The following PTPRD variants were observed in gnomAD, a reference collection of about 807,000 sequenced individuals.
The protein encoded by PTPRD is receptor-type tyrosine-protein phosphatase delta.
PTPRD carries 34 observed loss-of-function variants against 214.5 expected under a neutral mutation model. The ratio of observed to expected loss-of-function variants is 0.16; its 90% CI spans 0.12 to 0.21. The LOEUF (loss-of-function observed/expected upper bound fraction) is 0.21, where lower values mean the gene tolerates loss of function less well. Ranked by LOEUF, PTPRD falls within the 10% of genes least tolerant of loss-of-function variation. The pLI is 1.00. For synonymous variants in PTPRD, 1,128 were observed against 845.7 expected, an observed-to-expected ratio of 1.33 and a Z score of -5.79; for missense variants, 2,545 against 2,398.7, an observed-to-expected ratio of 1.06 and a Z score of -1.27.
intron 9 of PTPRD, among the ~76,000 whole-genome samples, chr9:9,388,096 T>C (rs1459993317): frequency 6.6e-6 from 1 of 152,108 alleles, no homozygotes; most frequent in Non-Finnish European, 1.5e-5. Flanking sequence ...TGAGTAGAAG[T>C]AGCTCTCAGC....
intron 7 of PTPRD, among the ~76,000 whole-genome samples, chr9:9,609,535 T>C (rs1027197154): frequency 6.6e-6 from 1 of 152,194 alleles, no homozygotes; most frequent in Non-Finnish European, 1.5e-5. Flanking sequence ...CAATCTTGGT[T>C]CACTGCAACC....
At chr9:8,338,221 A>C (rs1279011422) in intron 43 of PTPRD, among the ~76,000 whole-genome samples, 1 of 152,110 alleles carries the variant, frequency 6.6e-6, no homozygotes, top group Non-Finnish European at 1.5e-5. Context: ...GGTCTCCCTT[A>C]AGATGTGTTT....
chr9:9,516,871 A>C (rs917800638), intron 8 of PTPRD, among the ~76,000 whole-genome samples: 12 of 152,040 alleles, frequency 7.9e-5, no homozygotes, highest in Non-Finnish European at 1.8e-4. Context: ...ACTTCAGTCC[A>C]TTTTATCTAC....
chr9:9,296,649 C>T (rs937678257), intron 9 of PTPRD, among the ~76,000 whole-genome samples: 2 of 151,466 alleles, frequency 1.3e-5, no homozygotes, highest in Admixed American at 6.6e-5. Context: ...GGATTTATGC[C>T]TATGTCAGTT....
intron 34 of PTPRD, among the ~76,000 whole-genome samples, chr9:8,439,586 T>C (rs915752854): frequency 2.0e-5 from 3 of 152,174 alleles, no homozygotes; most frequent in African/African-American, 7.2e-5. Context: ...ATATCATATA[T>C]CAGAAAAGAC....
At chr9:9,275,174 A>ATATGTTATATATATATATAT (rs1491381199) in intron 9 of PTPRD, among the ~76,000 whole-genome samples, 21 of 28,950 alleles carry the variant, frequency 7.3e-4, no homozygotes, top group African/African-American at 3.5e-3. Flanking sequence ...ACATATATAT[A>ATATGTTATATATATATATAT]ATATATATGT....
intron 2 of PTPRD, among the ~76,000 whole-genome samples, chr9:10,363,572 A>G (rs953263666): frequency 6.6e-6 from 1 of 152,200 alleles, no homozygotes; most frequent in Non-Finnish European, 1.5e-5. Context: ...TGTTTTCTCT[A>G]TGACCTTTTC....
chr9:8,398,360 G>C (rs995563856), intron 36 of PTPRD, among the ~76,000 whole-genome samples: 1 of 152,008 alleles, frequency 6.6e-6, no homozygotes, highest in African/African-American at 2.4e-5. Flanking sequence ...GCAGAGCTTC[G>C]GATGCGTTAT....
At chr9:8,822,276 C>T (rs1278526630) in intron 11 of PTPRD, among the ~76,000 whole-genome samples, 1 of 152,162 alleles carries the variant, frequency 6.6e-6, no homozygotes, top group Non-Finnish European at 1.5e-5. Context: ...CATCCATGCC[C>T]AGGTAATGTC....
At chr9:9,806,666 C>T (rs1210192917) in intron 5 of PTPRD, among the ~76,000 whole-genome samples, 1 of 152,142 alleles carries the variant, frequency 6.6e-6, no homozygotes, top group Non-Finnish European at 1.5e-5. Flanking sequence ...GAATAAAGAG[C>T]CTTGCTGCTC....
At chr9:9,983,145 T>C (rs2095601568) in intron 4 of PTPRD, among the ~76,000 whole-genome samples, 1 of 152,016 alleles carries the variant, frequency 6.6e-6, no homozygotes, top group Non-Finnish European at 1.5e-5. Flanking sequence ...AATGTACCGA[T>C]GCTAGACTTT....
intron 2 of PTPRD, among the ~76,000 whole-genome samples, chr9:10,501,741 G>A (rs558353751): frequency 6.6e-6 from 1 of 152,006 alleles, no homozygotes; most frequent in Non-Finnish European, 1.5e-5. Flanking sequence ...TATTAATAGA[G>A]TGGGACTTTA....
At chr9:8,419,183 C>T (rs911542335) in intron 35 of PTPRD, among the ~76,000 whole-genome samples, 4 of 149,290 alleles carry the variant, frequency 2.7e-5, no homozygotes, top group African/African-American at 9.9e-5. Context: ...ATGAGATCAT[C>T]TCACTGCACT....
intron 2 of PTPRD, among the ~76,000 whole-genome samples, chr9:10,522,913 A>T (rs2052839231): frequency 6.6e-6 from 1 of 152,068 alleles, no homozygotes; most frequent in African/African-American, 2.4e-5. Context: ...GGTATTTCCT[A>T]AATGAGAAGC....
At chr9:8,945,687 T>G (rs1282404453) in intron 11 of PTPRD, among the ~76,000 whole-genome samples, 3 of 152,144 alleles carry the variant, frequency 2.0e-5, no homozygotes, top group Non-Finnish European at 4.4e-5. Flanking sequence ...TATCATTGAT[T>G]ATTTGGTAAT....
intron 3 of PTPRD, among the ~76,000 whole-genome samples, chr9:10,283,203 G>A (rs2095214033): frequency 6.6e-6 from 1 of 151,534 alleles, no homozygotes; most frequent in Non-Finnish European, 1.5e-5. Context: ...TATTTTTCTG[G>A]TAAAGCTTCC....
chr9:10,506,656 C>G (rs955327527), intron 2 of PTPRD, among the ~76,000 whole-genome samples: 1 of 152,210 alleles, frequency 6.6e-6, no homozygotes, highest in East Asian at 1.9e-4. Context: ...GCTCCAAGAT[C>G]TAATCCAGAC....
intron 11 of PTPRD, among the ~76,000 whole-genome samples, chr9:8,878,944 C>T (rs532326821): frequency 2.0e-5 from 3 of 152,336 alleles, no homozygotes; most frequent in East Asian, 3.9e-4. Flanking sequence ...TCCTACACCT[C>T]ACCCAAGCTA....
intron 2 of PTPRD, among the ~76,000 whole-genome samples, chr9:10,426,196 G>C (rs1049648779): frequency 5.9e-5 from 9 of 151,982 alleles, no homozygotes; most frequent in African/African-American, 2.2e-4. Context: ...CCTAAAATCA[G>C]CAACTCTTGC....
Sources: allele counts gnomAD v4.1 joint callset (sites outside exome capture counted in the v4.1 genomes callset), GRCh38; gene constraint gnomAD v4.1.1; transcripts MANE v1.5; gene names NCBI Gene and HGNC (gene_info 2026-07-23, HGNC 2026-07-21).